FAF1: variants seen among roughly 807,000 people sequenced by gnomAD.
The protein encoded by FAF1 is Fas associated factor 1, also known as FAS-associated factor 1.
FAF1 carries 25 observed loss-of-function variants against 92.5 expected under a neutral mutation model. The observed-to-expected ratio is 0.27, with a 90% CI of 0.20 to 0.38. The LOEUF (loss-of-function observed/expected upper bound fraction) is 0.38. Among genes scored for constraint, FAF1 ranks in the 10% least tolerant of loss-of-function variants. The probability of loss-of-function intolerance (pLI) is 1.00; values close to 1 mark genes in which losing one functional copy is unlikely to be tolerated. For missense variants in FAF1, 636 were observed against 793.3 expected (o/e 0.80, Z 2.38); for synonymous variants, 234 against 273.2 (o/e 0.86, Z 1.42).
At chr1:50,490,489 GGAAAGGAAGGAAGGAA>G in intron 17 of FAF1, 83 bp downstream of exon 17, 1 of 609,616 alleles carries the variant, frequency 1.6e-6, no homozygotes, top group East Asian at 3.1e-5. Flanking sequence ...AAGGAAGGAA[GGAAAGGAAGGAAGGAA>G]GGAAGGAAGG....
chr1:50,666,327 C>G (rs1655630478), intron 7 of FAF1, among the ~76,000 whole-genome samples: 1 of 152,072 alleles, frequency 6.6e-6, no homozygotes, highest in Non-Finnish European at 1.5e-5. Context: ...ATCCTCCCAA[C>G]TCAGCCTTCT....
chr1:50,612,551 G>A (rs74738164), intron 8 of FAF1: 11,612 of 801,416 alleles, frequency 0.014, 99 homozygotes, highest in Middle Eastern at 0.021. Flanking sequence ...ATAGTGAGAT[G>A]CCATTTACCC....
At chr1:50,728,114 A>G (rs1228415957) in intron 6 of FAF1, among the ~76,000 whole-genome samples, 1 of 152,154 alleles carries the variant, frequency 6.6e-6, no homozygotes, top group Admixed American at 6.6e-5. Flanking sequence ...TGACTAATAC[A>G]ATTACTAATA....
At chr1:50,823,865 A>T (rs1344659501) in intron 2 of FAF1, among the ~76,000 whole-genome samples, 1 of 152,178 alleles carries the variant, frequency 6.6e-6, no homozygotes. Context: ...CCCATTAATG[A>T]TCAATTGAAA....
intron 15 of FAF1, among the ~76,000 whole-genome samples, chr1:50,515,305 C>T (rs548908094): frequency 6.6e-6 from 1 of 152,196 alleles, no homozygotes; most frequent in South Asian, 2.1e-4. Flanking sequence ...TGTAACTTGC[C>T]AATGGTGTAT....
chr1:50,655,493 G>A lies in FAF1; in HGVS notation c.693C>T (p.Pro231=), dbSNP rs377374794. 71 of 1,613,082 alleles carry A rather than the reference G, an allele frequency of 4.4e-5. No homozygotes were observed. The highest frequency in any genetic ancestry group is 2.3e-5 in the Non-Finnish European group (27 of 1,179,178). ...AGCCCTCCCATAATTGGTGGCGAAC[G>A]GGGATACTTGTAAGGTCATACACAT... ...KRNVYDLTSI[P]VRHQLWEGWP... Residue 231 remains proline, a synonymous_variant, in exon 8 of 19, where the codon CCC becomes CCT. Transcript: ENST00000396153.
At chr1:50,927,162 G>C (rs1201269093) in intron 1 of FAF1, among the ~76,000 whole-genome samples, 3 of 152,188 alleles carry the variant, frequency 2.0e-5, no homozygotes, top group Admixed American at 2.0e-4. Context: ...ACGTTCTAGA[G>C]ATGAGTGGTG....
intron 12 of FAF1, among the ~76,000 whole-genome samples, chr1:50,569,748 T>C (rs1202142259): frequency 6.6e-6 from 1 of 152,158 alleles, no homozygotes; most frequent in Non-Finnish European, 1.5e-5. Flanking sequence ...GGAAAGAGAT[T>C]AGTGATTTAC....
intron 1 of FAF1, among the ~76,000 whole-genome samples, chr1:50,896,992 A>G (rs1042088882): frequency 6.6e-6 from 1 of 152,188 alleles, no homozygotes; most frequent in Admixed American, 6.5e-5. Flanking sequence ...GAAAAAGTCA[A>G]TTGCTTTCCT....
At chr1:50,901,438 G>T (rs1050605875) in intron 1 of FAF1, among the ~76,000 whole-genome samples, 2 of 152,100 alleles carry the variant, frequency 1.3e-5, no homozygotes, top group African/African-American at 4.8e-5. Context: ...GCTCATTCCT[G>T]CAAGCCCAGC....
At chr1:50,644,876 G>A (rs773674258) in intron 8 of FAF1, among the ~76,000 whole-genome samples, 2 of 152,194 alleles carry the variant, frequency 1.3e-5, no homozygotes, top group African/African-American at 4.8e-5. Context: ...CTTAGTGCTT[G>A]TAAGTTTCCA....
chr1:50,448,467 A>G (rs1331186880), intron 18 of FAF1, among the ~76,000 whole-genome samples: 2 of 152,172 alleles, frequency 1.3e-5, no homozygotes, highest in Non-Finnish European at 2.9e-5. Flanking sequence ...ATGTATCCAC[A>G]TGGAGTGACT....
chr1:50,531,660 C>G (rs1648176445), intron 15 of FAF1, among the ~76,000 whole-genome samples: 2 of 152,018 alleles, frequency 1.3e-5, no homozygotes, highest in African/African-American at 4.8e-5. Context: ...AAACCAAATA[C>G]TACTAATGAA....
intron 7 of FAF1, among the ~76,000 whole-genome samples, chr1:50,656,980 G>T (rs1655141915): frequency 1.3e-5 from 2 of 152,046 alleles, no homozygotes; most frequent in South Asian, 4.1e-4. Context: ...GGAGGTCAAG[G>T]TACAAGGATC....
intron 6 of FAF1, among the ~76,000 whole-genome samples, chr1:50,722,966 C>G (rs542007114): frequency 7.2e-5 from 11 of 152,282 alleles, no homozygotes; most frequent in Admixed American, 5.2e-4. Flanking sequence ...GCTTTCCTCT[C>G]AATTCTAAGT....
intron 18 of FAF1, among the ~76,000 whole-genome samples, chr1:50,453,279 G>C (rs1646314590): frequency 6.6e-6 from 1 of 152,212 alleles, no homozygotes; most frequent in Non-Finnish European, 1.5e-5. Flanking sequence ...CAGTGGGCTA[G>C]GGAGAAAGTG....
chr1:50,889,278 GCA>G (rs1172535528), intron 1 of FAF1, among the ~76,000 whole-genome samples: 46,257 of 151,574 alleles, frequency 0.31, 7,288 homozygotes, highest in Middle Eastern at 0.48. Context: ...AGTCTTGCTA[GCA>G]GTCTATCAAT....
At chr1:50,467,512 A>C (rs1646512710) in intron 18 of FAF1, among the ~76,000 whole-genome samples, 1 of 151,912 alleles carries the variant, frequency 6.6e-6, no homozygotes, top group Admixed American at 6.6e-5. Flanking sequence ...GCGGGGTTTC[A>C]CCATGTTAGC....
intron 1 of FAF1, among the ~76,000 whole-genome samples, chr1:50,946,630 A>G (rs1400705309): frequency 1.3e-5 from 2 of 152,136 alleles, no homozygotes; most frequent in Admixed American, 1.3e-4. Flanking sequence ...CAAGCTAACA[A>G]CTTAGCCTGC....
Sources: gnomAD v4.1 joint callset for allele counts (sites outside exome capture counted in the v4.1 genomes callset) on GRCh38, gnomAD v4.1.1 for gene constraint, MANE v1.5 for transcripts, NCBI Gene and HGNC (gene_info 2026-07-23, HGNC 2026-07-21) for gene names.